Variants in ATG4B observed in about 807,000 individuals in gnomAD.
ATG4B encodes the protein cysteine protease ATG4B.
ATG4B carries 29 observed loss-of-function variants against 56.6 expected under a neutral mutation model. The ratio of observed to expected loss-of-function variants is 0.51; its 90% CI spans 0.38 to 0.70. The LOEUF (loss-of-function observed/expected upper bound fraction) is 0.70. Ranked by LOEUF, ATG4B falls within the 30% of genes least tolerant of loss-of-function variation. ATG4B has a pLI of 0.00. For synonymous variants in ATG4B, 224 were observed against 206.1 expected (o/e 1.09, Z -0.74); for missense variants, 461 against 515.5 (o/e 0.89, Z 1.02).
intron 1 of ATG4B, among the ~76,000 whole-genome samples, chr2:241,641,896 T>G (rs1474084273): frequency 6.6e-6 from 1 of 152,172 alleles, no homozygotes; most frequent in African/African-American, 2.4e-5. Flanking sequence ...GCACTGTCCC[T>G]AAAAGCATGC....
chr2:241,672,447 A>G lies in ATG4B; in HGVS notation c.*183A>G. On this transcript the variant is annotated 3_prime_UTR_variant, in exon 13 of 13. Transcript: ENST00000404914. Reference sequence around the variant, plus strand: ...GGGAGGCCTTACTGCTTGGTGTCAGACTGCCCAGCTCAGAGTGCCCGTCAG... The same window carrying G: ...GGGAGGCCTTACTGCTTGGTGTCAGGCTGCCCAGCTCAGAGTGCCCGTCAG... 1 of 619,754 alleles carries G rather than the reference A, an allele frequency of 1.6e-6. No homozygotes were observed. The highest frequency in any genetic ancestry group is 1.9e-5 in the South Asian group (1 of 51,430). 38.4% of individuals were successfully genotyped at this position (619,754 alleles called of 1,614,324 possible).
intron 7 of ATG4B, among the ~76,000 whole-genome samples, chr2:241,664,792 C>G (rs561109524): frequency 4.6e-5 from 7 of 152,062 alleles, no homozygotes; most frequent in Non-Finnish European, 8.8e-5. Context: ...GGCAAAACCC[C>G]GTCTCTACTA....
Position 241,668,984 on chromosome 2 carries a change from T to C in ATG4B, c.957+299T>C. The C allele has an allele frequency of 2.4e-6, 1 of 408,948 alleles. No homozygotes were observed. The highest frequency in any genetic ancestry group is 4.4e-6 in the Non-Finnish European group (1 of 228,002). 25.3% of individuals were successfully genotyped at this position (408,948 alleles called of 1,614,324 possible). A position where few individuals can be genotyped will look rare whatever the true frequency, so the allele number is the denominator to read the frequency against. On this transcript the variant is annotated intron_variant, in intron 10 of 12. Coordinates refer to ENST00000404914, the MANE Select transcript of ATG4B (RefSeq NM_013325.5). The surrounding 1 kb of genome is among the most constrained non-coding windows in gnomAD (Gnocchi z 4.2). ...AGTGTGCATGGATGAGTGTGAGCCA[T>C]GGTGAGTGTGTCCCCCTCACACCTA...
chr2:241,667,212 C>T (rs901914458), intron 8 of ATG4B, among the ~76,000 whole-genome samples: 4 of 152,204 alleles, frequency 2.6e-5, no homozygotes, highest in Non-Finnish European at 5.9e-5. Context: ...GAGGTCCCTT[C>T]GGAGGGTGGG....
chr2:241,659,089 A>G lies in ATG4B; in HGVS notation c.459-19A>G, dbSNP rs1193993136. On this transcript the variant is annotated intron_variant, in intron 6 of 12. Transcript: ENST00000404914. ...TTGAATTGTACAAAAGCTTATGGTC[A>G]TTCTCCTACTCTCTGTAGGAAGCTT... 3.2e-6 allele frequency: 5 copies of G among 1,574,264 alleles called. No individual in the cohort carries two copies. Among genetic ancestry groups the G allele is most frequent in the Middle Eastern group, 1.7e-4 (1 of 5,916 alleles).
rs552615637 is a variant in ATG4B at position 241,651,970 on chromosome 2, C to T, written c.184+635C>T. ...CCTCTCACCGGCGGAGAACTGAGGC[C>T]GGAGGTGAGGGCCGGGCTGGCGTCA... is the stretch of plus-strand genomic sequence containing the variant. On this transcript the variant is annotated intron_variant, in intron 3 of 12. Coordinates refer to ENST00000404914, the MANE Select transcript of ATG4B (RefSeq NM_013325.5). This position sits in a 1 kb window ranked among gnomAD's most constrained non-coding sequence, Gnocchi z 4.1. 5.5e-4 allele frequency: 722 copies of T among 1,303,940 alleles called. No individual in the cohort carries two copies. The highest frequency in any genetic ancestry group is 6.5e-4 in the Non-Finnish European group (645 of 988,758). 80.8% of individuals were successfully genotyped at this position (1,303,940 alleles called of 1,614,324 possible).
chr2:241,655,131 T>C (rs2068355478), intron 5 of ATG4B, 140 bp from the exon 6 acceptor site: 1 of 754,684 alleles, frequency 1.3e-6, no homozygotes, highest in Non-Finnish European at 2.3e-6. Context: ...TCCCCCGATC[T>C]TGTTGGGGCA....
intron 1 of ATG4B, among the ~76,000 whole-genome samples, chr2:241,645,320 G>A (rs2068031195): frequency 6.6e-6 from 1 of 152,214 alleles, no homozygotes; most frequent in Non-Finnish European, 1.5e-5. Flanking sequence ...GCCGGGGGCA[G>A]GCTCTTGCTC....
chr2:241,643,751 C>G (rs1197531048), intron 1 of ATG4B, among the ~76,000 whole-genome samples: 1 of 144,416 alleles, frequency 6.9e-6, no homozygotes, highest in Admixed American at 7.0e-5. Flanking sequence ...CTCACTGCAA[C>G]GGGGTTTTGC....
chr2:241,653,543 G>T lies in ATG4B; in HGVS notation c.216G>T (p.Trp72Cys), dbSNP rs1173382395. The change falls in exon 4 of 13, where the codon TGG (tryptophan) becomes TGT (cysteine). Residue 72 changes from tryptophan (W) to cysteine (C), a missense_variant. Coordinates refer to ENST00000404914, the MANE Select transcript of ATG4B (RefSeq NM_013325.5). ...GGTGPTSDTGWGCMLRCGQMI... is the reference protein window; with the variant it reads ...GGTGPTSDTGCGCMLRCGQMI... The stretch of plus-strand genomic sequence containing the variant: ...CAGGCCCCACCTCGGACACAGGCTG[G>T]GGCTGCATGCTGCGGTGTGGACAGA... 6.3e-7 allele frequency: 1 copy of T among 1,584,498 alleles called. No homozygotes were observed. Among genetic ancestry groups the T allele is most frequent in the East Asian group, 2.3e-5 (1 of 43,380 alleles).
At chr2:241,645,779 G>A (rs1205704021) in intron 1 of ATG4B, among the ~76,000 whole-genome samples, 2 of 152,032 alleles carry the variant, frequency 1.3e-5, no homozygotes, top group East Asian at 1.9e-4. Flanking sequence ...AGAAGCAAGG[G>A]ATCATGTTTT....
chr2:241,654,345 C>A (rs1291482336), intron 4 of ATG4B, among the ~76,000 whole-genome samples: 2 of 150,086 alleles, frequency 1.3e-5, no homozygotes, highest in African/African-American at 4.9e-5. Context: ...CGCTTGAACC[C>A]GGGAGGTGGA....
chr2:241,663,808 T>C (rs1271857335), intron 7 of ATG4B, among the ~76,000 whole-genome samples: 3 of 145,216 alleles, frequency 2.1e-5, no homozygotes, highest in Non-Finnish European at 4.5e-5. Context: ...TAGCCAGACG[T>C]CTATTTTTTT....
chr2:241,669,122 C>G (rs761977448), intron 10 of ATG4B, among the ~76,000 whole-genome samples: 1 of 151,314 alleles, frequency 6.6e-6, no homozygotes, highest in Non-Finnish European at 1.5e-5. Context: ...CTTTTGTTTT[C>G]CGGAGGCTCT....
At chr2:241,654,142 G>T (rs2068313012) in intron 4 of ATG4B, among the ~76,000 whole-genome samples, 1 of 152,224 alleles carries the variant, frequency 6.6e-6, no homozygotes, top group Admixed American at 6.5e-5. Context: ...AAGATTCTGG[G>T]CTGGGTGTGG....
At chr2:241,664,995 CTGT>C (rs959596495) in intron 7 of ATG4B, among the ~76,000 whole-genome samples, 34 of 152,258 alleles carry the variant, frequency 2.2e-4, no homozygotes, top group African/African-American at 7.7e-4. Context: ...TGGCCCACAC[CTGT>C]TGTTCCAGCT....
rs770171833 is a variant in ATG4B, at chr2:241,673,584, AT to A, written c.*1321del. The A allele has an allele frequency of 3.0e-6, 1 of 329,592 alleles. No homozygotes were observed. The highest frequency in any genetic ancestry group is 5.7e-6 in the Non-Finnish European group (1 of 174,044). The allele number at this position is 329,592 out of a possible 1,614,324, so 20.4% of individuals were successfully genotyped here. On this transcript the variant is annotated 3_prime_UTR_variant, in exon 13 of 13. Transcript: ENST00000404914. ...CCCCAGCCCCCCAAGCATTGAAGAC[AT>A]AGTGTATTTCCTCGTATCCTTTCTC...
chr2:241,670,585 G>A (rs545894527), intron 10 of ATG4B, 141 bp from the exon 11 acceptor site: 115 of 810,654 alleles, frequency 1.4e-4, no homozygotes, highest in Non-Finnish European at 1.4e-4. Flanking sequence ...CCTGGCCACA[G>A]GAGCCAAGGC....
intron 7 of ATG4B, among the ~76,000 whole-genome samples, chr2:241,663,337 A>T (rs1389128392): frequency 6.6e-6 from 1 of 152,234 alleles, no homozygotes; most frequent in Non-Finnish European, 1.5e-5. Context: ...ATAACACAAC[A>T]GGCAGAGTTT....
Sources: allele counts gnomAD v4.1 joint callset (sites outside exome capture counted in the v4.1 genomes callset), GRCh38; gene constraint gnomAD v4.1.1; non-coding constraint Gnocchi (gnomAD v3.1); transcripts MANE v1.5; gene names NCBI Gene and HGNC (gene_info 2026-07-23, HGNC 2026-07-21).